The following ITSN2 variants were observed in gnomAD, a reference collection of about 807,000 sequenced individuals.
ITSN2 encodes intersectin-2.
In ITSN2, 156 loss-of-function variants were observed where a neutral mutation model predicts 243.7. The ratio of observed to expected loss-of-function variants is 0.64; its 90% confidence interval spans 0.56 to 0.73. ITSN2 has a LOEUF of 0.73. Among genes scored for constraint, ITSN2 ranks in the 30% least tolerant of loss-of-function variants. The pLI is 0.00. For synonymous variants in ITSN2, 703 were observed against 699.9 expected (o/e 1.00, Z -0.07); for missense variants, 1,801 against 1,996.1 (o/e 0.90, Z 1.86).
At chr2:24,247,894 A>AG in intron 27 of ITSN2, among the ~76,000 whole-genome samples, 1 of 152,140 alleles carries the variant, frequency 6.6e-6, no homozygotes, top group Non-Finnish European at 1.5e-5. Context: ...GTGGAATTTC[A>AG]GGGGGTTATT....
chr2:24,247,283 T>C (rs1285520435), intron 27 of ITSN2, among the ~76,000 whole-genome samples: 5 of 152,228 alleles, frequency 3.3e-5, no homozygotes, highest in African/African-American at 1.2e-4. Context: ...CTGTGTGTAT[T>C]GTCACACATC....
chr2:24,275,549 C>G (rs1316160013), intron 18 of ITSN2, among the ~76,000 whole-genome samples, 164 bp downstream of exon 18: 1 of 152,170 alleles, frequency 6.6e-6, no homozygotes, highest in Non-Finnish European at 1.5e-5. Flanking sequence ...AAAATAAAAT[C>G]AGTTACTGCA....
At chr2:24,214,854 A>T (rs1018661162) in intron 32 of ITSN2, among the ~76,000 whole-genome samples, 11 of 152,284 alleles carry the variant, frequency 7.2e-5, no homozygotes, top group African/African-American at 2.4e-4. Context: ...TACTCTCCTT[A>T]AGTACTGATA....
At position 24,210,726 on chromosome 2, in the gene ITSN2, G is replaced by C. The variant is rs147548718; in HGVS notation, c.4257+54C>G. 14,916 of 1,564,502 alleles carry C rather than the reference G, an allele frequency of 9.5e-3. 86 individuals are homozygous for C. Among genetic ancestry groups the C allele is most frequent in the Non-Finnish European group, 0.011 (12,749 of 1,148,674 alleles). ...CCACGTGAGGGAAGGCTCGGAGCTG[G>C]TTCCCCACCCAGAGCCTCCCTGGAG... On this transcript the variant is annotated intron_variant, in intron 34 of 39. Coordinates refer to ENST00000355123, the MANE Select transcript of ITSN2 (RefSeq NM_006277.3).
intron 7 of ITSN2, among the ~76,000 whole-genome samples, chr2:24,309,317 C>G (rs780967727): frequency 1.3e-5 from 2 of 152,148 alleles, no homozygotes; most frequent in Non-Finnish European, 2.9e-5. Flanking sequence ...CTCAGCCTCT[C>G]AAGTAGCTGG....
At chr2:24,253,010 A>G (rs1674550921) in intron 24 of ITSN2, among the ~76,000 whole-genome samples, 1 of 152,218 alleles carries the variant, frequency 6.6e-6, no homozygotes, top group Non-Finnish European at 1.5e-5. Flanking sequence ...GCCAAGCTCC[A>G]TCCTGATGAC....
intron 27 of ITSN2, among the ~76,000 whole-genome samples, chr2:24,247,107 C>G (rs540881601): frequency 1.3e-5 from 2 of 152,174 alleles, no homozygotes; most frequent in Non-Finnish European, 2.9e-5. Context: ...CCTGTGGGTA[C>G]TGGGTCATGC....
At chr2:24,276,375 C>T (rs1558536617) in intron 17 of ITSN2, among the ~76,000 whole-genome samples, 1 of 152,082 alleles carries the variant, frequency 6.6e-6, no homozygotes. Context: ...GCATTCCAAA[C>T]AGGAGTTGAA....
intron 1 of ITSN2, among the ~76,000 whole-genome samples, chr2:24,356,631 T>C (rs558558026): frequency 6.6e-6 from 1 of 152,028 alleles, no homozygotes; most frequent in African/African-American, 2.4e-5. Context: ...ACCACAATGA[T>C]GGCCGGGTGC....
At chr2:24,315,711 A>C (rs1683828920) in intron 2 of ITSN2, among the ~76,000 whole-genome samples, 1 of 152,080 alleles carries the variant, frequency 6.6e-6, no homozygotes. Flanking sequence ...TTTTGTGATA[A>C]TGAGTGAGTT....
chr2:24,232,174 T>C (rs1270522087), intron 29 of ITSN2, among the ~76,000 whole-genome samples: 1 of 152,204 alleles, frequency 6.6e-6, no homozygotes, highest in African/African-American at 2.4e-5. Context: ...CCTGTCAAGT[T>C]CTACTCCATT....
At chr2:24,209,355 C>A in intron 35 of ITSN2, 134 bp from the exon 36 acceptor site, 1 of 908,246 alleles carries the variant, frequency 1.1e-6, no homozygotes, top group Non-Finnish European at 1.7e-6. Flanking sequence ...CTAAGGTCTT[C>A]TACACAGAAC....
intron 2 of ITSN2, among the ~76,000 whole-genome samples, chr2:24,324,175 T>C (rs1684899343): frequency 6.6e-6 from 1 of 152,054 alleles, no homozygotes; most frequent in African/African-American, 2.4e-5. Context: ...GAGCTTGCAG[T>C]GAGCAGAGAT....
Position 24,302,031 on chromosome 2 carries a change from T to C in ITSN2, c.929A>G (p.Asp310Gly). 6.2e-7 allele frequency: 1 copy of C among 1,613,478 alleles called. No individual in the cohort carries two copies. Among genetic ancestry groups the C allele is most frequent in the Non-Finnish European group, 8.5e-7 (1 of 1,179,562 alleles). Residue 310 changes from aspartate to glycine, a missense_variant, in exon 10 of 40, where the codon GAC becomes GGC. Asp to Gly is a moderately conservative substitution (Grantham distance 94, BLOSUM62 -1). Transcript: ENST00000355123. ...EEFILAMHLTDMAKAGQPLPL... is the reference protein window; with the variant it reads ...EEFILAMHLTGMAKAGQPLPL... Reference sequence around the variant, plus strand: ...TAATGGCTGTCCAGCTTTGGCCATGTCAGTAAGGTGCATTGCAAGAATAAA... The same window carrying C: ...TAATGGCTGTCCAGCTTTGGCCATGCCAGTAAGGTGCATTGCAAGAATAAA...
intron 2 of ITSN2, among the ~76,000 whole-genome samples, chr2:24,319,287 C>T (rs569573635): frequency 2.6e-4 from 39 of 152,168 alleles, no homozygotes; most frequent in African/African-American, 8.7e-4. Flanking sequence ...CAAGAAGGCA[C>T]CTGAGGAAGA....
chr2:24,301,891 A>G, intron 10 of ITSN2, 74 bp downstream of exon 10: 1 of 1,356,312 alleles, frequency 7.4e-7, no homozygotes, highest in South Asian at 1.5e-5. Context: ...TGGCAGTGCA[A>G]ATATTTAACT....
intron 23 of ITSN2, among the ~76,000 whole-genome samples, chr2:24,256,142 T>G (rs1675016633): frequency 2.0e-5 from 3 of 152,184 alleles, no homozygotes; most frequent in Non-Finnish European, 2.9e-5. Context: ...GAGAATTGCT[T>G]AAACCCAGGA....
At chr2:24,334,838 C>T (rs1002798799) in intron 1 of ITSN2, 45 of 779,250 alleles carry the variant, frequency 5.8e-5, no homozygotes, top group South Asian at 1.0e-4. Flanking sequence ...CCGAGGCGGG[C>T]GGATCACGAG....
intron 12 of ITSN2, 120 bp downstream of exon 12, chr2:24,299,789 A>T: frequency 1.3e-6 from 1 of 790,910 alleles, no homozygotes; most frequent in East Asian, 2.7e-5. Flanking sequence ...GGTAAGAATG[A>T]AATGATGCAG....
Sources: gnomAD v4.1 joint callset for allele counts (sites outside exome capture counted in the v4.1 genomes callset) on GRCh38, gnomAD v4.1.1 for gene constraint, MANE v1.5 for transcripts, NCBI Gene and HGNC (gene_info 2026-07-23, HGNC 2026-07-21) for gene names.